Variants in REPS2 observed in about 807,000 individuals in gnomAD.
The protein encoded by REPS2 is ralBP1-associated Eps domain-containing protein 2.
A neutral mutation model predicts 53.6 loss-of-function variants in REPS2; 23 were observed. That is an observed-to-expected ratio of 0.43 (90% CI 0.31 to 0.61). The LOEUF is 0.61. Among genes scored for constraint, REPS2 ranks in the 20% least tolerant of loss-of-function variants. The pLI, the probability that REPS2 is intolerant of heterozygous loss-of-function variation, is 0.11. For missense variants in REPS2, 446 were observed against 534.9 expected, an observed-to-expected ratio of 0.83 and a Z score of 1.64; for synonymous variants, 238 against 218.6, an observed-to-expected ratio of 1.09 and a Z score of -0.78.
chrX:16,979,382 C>G, intron 1 of REPS2, among the ~76,000 whole-genome samples: 1 of 112,005 alleles, frequency 8.9e-6, no homozygotes, highest in East Asian at 2.8e-4. Context: ...GAGATTTTTA[C>G]TTACTTCAAT....
At chrX:17,171,805 C>T in the REPS2 span, among the ~76,000 whole-genome samples, 1 of 111,266 alleles carries the variant, frequency 9.0e-6, no homozygotes, top group Non-Finnish European at 1.9e-5. Flanking sequence ...GAATTACAGT[C>T]GTGATCCACC....
chrX:17,057,887 C>T (rs2062095526), intron 8 of REPS2, among the ~76,000 whole-genome samples: 1 of 112,333 alleles, frequency 8.9e-6, no homozygotes, highest in Non-Finnish European at 1.9e-5. Context: ...GCTTTTGTCT[C>T]TCTCTAAAGG....
At position 17,019,178 on chromosome X, in the gene REPS2, G is replaced by A. The variant is rs111666195; in HGVS notation, c.398-2945G>A. Reference sequence around the variant, plus strand: ...AAAGGATTTTTCTCTCTTGTAGAGGGTCAAGTGTTTAAAAAGGAGCAGGCA... The same window carrying A: ...AAAGGATTTTTCTCTCTTGTAGAGGATCAAGTGTTTAAAAAGGAGCAGGCA... On this transcript the variant is annotated intron_variant, in intron 2 of 17. Transcript: ENST00000357277. Among the ~76,000 whole-genome samples the A allele has an allele frequency of 5.0e-3, 559 of 112,051 alleles. 3 individuals are homozygous for A. The highest frequency in any genetic ancestry group is 0.017 in the African/African-American group (536 of 30,832).
chrX:17,192,310 A>G, the REPS2 span, among the ~76,000 whole-genome samples: 2 of 112,619 alleles, frequency 1.8e-5, no homozygotes, highest in African/African-American at 6.5e-5. Flanking sequence ...CCGTCTCTGC[A>G]TGAGTCACCA....
At chrX:17,194,295 A>T in the REPS2 span, among the ~76,000 whole-genome samples, 1 of 111,514 alleles carries the variant, frequency 9.0e-6, no homozygotes, top group Non-Finnish European at 1.9e-5. Flanking sequence ...TTCTCAATAT[A>T]TATTACTGAT....
chrX:17,160,384 C>T, the REPS2 span, among the ~76,000 whole-genome samples: 1 of 112,361 alleles, frequency 8.9e-6, no homozygotes, highest in Admixed American at 9.4e-5. Context: ...ACAATCAAAC[C>T]AGGGGGTATT....
At chrX:17,129,490 G>T (rs189137032) in intron 14 of REPS2, among the ~76,000 whole-genome samples, 4 of 111,362 alleles carry the variant, frequency 3.6e-5, no homozygotes, top group African/African-American at 1.3e-4. Context: ...TCGCTCCTCC[G>T]AATGCTTGAT....
intron 1 of REPS2, among the ~76,000 whole-genome samples, chrX:16,981,966 C>A (rs1244013665): frequency 1.8e-5 from 2 of 111,305 alleles, no homozygotes; most frequent in East Asian, 5.6e-4. Flanking sequence ...CCCTCCATTG[C>A]CCCCCAGTTT....
intron 5 of REPS2, among the ~76,000 whole-genome samples, chrX:17,036,832 TAGAG>T (rs1394529197): frequency 1.4e-5 from 1 of 72,336 alleles, no homozygotes; most frequent in Non-Finnish European, 2.5e-5. Flanking sequence ...TAAAGATAGA[TAGAG>T]GGAGAGAGTA....
intron 14 of REPS2, among the ~76,000 whole-genome samples, chrX:17,126,207 G>A (rs996083229): frequency 1.8e-5 from 2 of 111,435 alleles, no homozygotes; most frequent in Non-Finnish European, 3.8e-5. Context: ...GCTACCGCAG[G>A]GAGAAGGGAC....
chrX:17,196,490 C>A, the REPS2 span, among the ~76,000 whole-genome samples: 2 of 111,419 alleles, frequency 1.8e-5, no homozygotes, highest in South Asian at 7.7e-4. Flanking sequence ...AAAGAGGCCC[C>A]AGAGAGCTGC....
the REPS2 span, among the ~76,000 whole-genome samples, chrX:17,181,018 C>A: frequency 8.9e-6 from 1 of 112,003 alleles, no homozygotes; most frequent in East Asian, 2.8e-4. Flanking sequence ...TGAAATATAT[C>A]TCTTTTCTCC....
intron 14 of REPS2, among the ~76,000 whole-genome samples, chrX:17,117,294 T>G (rs979501739): frequency 6.3e-5 from 7 of 111,893 alleles, no homozygotes; most frequent in Non-Finnish European, 9.4e-5. Flanking sequence ...ATTATTATAC[T>G]TTAAGTTTTA....
intron 1 of REPS2, among the ~76,000 whole-genome samples, chrX:16,967,189 A>G (rs1357695180): frequency 8.9e-6 from 1 of 112,208 alleles, no homozygotes; most frequent in Non-Finnish European, 1.9e-5. Flanking sequence ...TTTAAATTTC[A>G]GTTTCCATAA....
At chrX:17,130,349 G>A (rs1273704480) in intron 14 of REPS2, among the ~76,000 whole-genome samples, 1 of 111,823 alleles carries the variant, frequency 8.9e-6, no homozygotes, top group East Asian at 2.8e-4. Flanking sequence ...CCATCTTGGG[G>A]ATTGACCTTA....
chrX:17,115,580 G>A (rs2063040719), intron 14 of REPS2, among the ~76,000 whole-genome samples: 1 of 111,601 alleles, frequency 9.0e-6, no homozygotes, highest in African/African-American at 3.3e-5. Flanking sequence ...GCTGGGGGAC[G>A]GTCAGGTCTT....
chrX:17,134,439 G>A (rs1313776694), intron 15 of REPS2, among the ~76,000 whole-genome samples: 1 of 111,275 alleles, frequency 9.0e-6, no homozygotes, highest in African/African-American at 3.3e-5. Context: ...TCTTCTTTCA[G>A]AGAGAGTGGG....
chrX:16,968,009 C>T (rs2060796403), intron 1 of REPS2, among the ~76,000 whole-genome samples: 1 of 110,747 alleles, frequency 9.0e-6, no homozygotes, highest in African/African-American at 3.3e-5. Context: ...TGTTTGTGTC[C>T]CTGGGTACTT....
At chrX:17,024,454 T>A (rs1032972185) in intron 3 of REPS2, among the ~76,000 whole-genome samples, 1 of 105,606 alleles carries the variant, frequency 9.5e-6, no homozygotes, top group African/African-American at 3.5e-5. Flanking sequence ...GGTTCATATT[T>A]GAATTGAGAT....
Sources: allele counts gnomAD v4.1 joint callset (sites outside exome capture counted in the v4.1 genomes callset), GRCh38; gene constraint gnomAD v4.1.1; transcripts MANE v1.5; gene names NCBI Gene and HGNC (gene_info 2026-07-23, HGNC 2026-07-21).